The following MYO3B variants were observed in gnomAD, a reference collection of about 807,000 sequenced individuals.
The protein encoded by MYO3B is myosin IIIB.
A neutral mutation model predicts 174.6 loss-of-function variants in MYO3B; 156 were observed. That is an observed-to-expected ratio of 0.89 (90% confidence interval 0.78 to 1.02). The LOEUF is 1.02. Among genes scored for constraint, MYO3B ranks in the 50% least tolerant of loss-of-function variants. MYO3B has a pLI of 0.00. For missense variants in MYO3B, 1,632 were observed against 1,639.4 expected (o/e 1.00, Z 0.08); for synonymous variants, 563 against 569.1 (o/e 0.99, Z 0.15).
At chr2:170,640,826 T>C (rs1364088096) in intron 32 of MYO3B, 9 of 152,220 alleles carry the variant, frequency 5.9e-5, no homozygotes, top group Middle Eastern at 3.4e-3. Context: ...CTTCTATATA[T>C]GGCAAATGAC....
At chr2:170,382,169 C>A in intron 10 of MYO3B, 57 bp downstream of exon 10, 2 of 1,410,276 alleles carry the variant, frequency 1.4e-6, no homozygotes, top group Non-Finnish European at 2.0e-6. Flanking sequence ...TGTGAATGGT[C>A]TGAACTTTCT....
intron 1 of MYO3B, among the ~76,000 whole-genome samples, chr2:170,184,482 C>T (rs2092439334): frequency 6.6e-6 from 1 of 152,108 alleles, no homozygotes; most frequent in Non-Finnish European, 1.5e-5. Context: ...ACATAATTAC[C>T]TCCAGTTTCA....
chr2:170,649,377 A>AT (rs1698814671), intron 32 of MYO3B, among the ~76,000 whole-genome samples: 3 of 104,770 alleles, frequency 2.9e-5, no homozygotes, highest in African/African-American at 7.3e-5. Flanking sequence ...TAAAAATATA[A>AT]ATATATTATA....
At chr2:170,466,456 C>T (rs777103295) in intron 24 of MYO3B, 50 bp from the exon 25 acceptor site, 29 of 1,558,732 alleles carry the variant, frequency 1.9e-5, no homozygotes, top group Non-Finnish European at 2.4e-5. Flanking sequence ...TTGTAACTAT[C>T]CATTGTGTTG....
intron 7 of MYO3B, among the ~76,000 whole-genome samples, chr2:170,323,472 C>T (rs560183396): frequency 6.6e-6 from 1 of 152,250 alleles, no homozygotes; most frequent in South Asian, 2.1e-4. Flanking sequence ...CCTGGATTCC[C>T]CATTAATATG....
intron 1 of MYO3B, among the ~76,000 whole-genome samples, chr2:170,192,269 T>C (rs933966666): frequency 7.3e-5 from 11 of 150,120 alleles, no homozygotes; most frequent in Non-Finnish European, 1.6e-4. Flanking sequence ...CCATTATATG[T>C]CTACTTAAGT....
chr2:170,587,075 G>A (rs1693534917), intron 32 of MYO3B, among the ~76,000 whole-genome samples: 1 of 152,178 alleles, frequency 6.6e-6, no homozygotes, highest in African/African-American at 2.4e-5. Context: ...TTGCTGAAGG[G>A]TCACTTTGTG....
intron 25 of MYO3B, among the ~76,000 whole-genome samples, chr2:170,489,634 G>GGGGTGTGTGTGTGTGTGTGT (rs1553507396): frequency 2.9e-5 from 4 of 139,322 alleles, no homozygotes; most frequent in African/African-American, 8.4e-5. Context: ...AACCAGTAGG[G>GGGGTGTGTGTGTGTGTGTGT]GTGTGTGTGT....
intron 22 of MYO3B, among the ~76,000 whole-genome samples, chr2:170,438,363 C>G (rs1051198957): frequency 6.6e-6 from 1 of 151,926 alleles, no homozygotes; most frequent in African/African-American, 2.4e-5. Flanking sequence ...ACTTCTTGGC[C>G]CTTGTGAATA....
rs1480492778 is a variant in MYO3B, at chr2:170,611,757, C to CT, written c.3734-39866dup. Among the ~76,000 whole-genome samples, 5 of 152,150 alleles carry CT rather than the reference C, an allele frequency of 3.3e-5. 1 individual carries two copies. In the East Asian group the frequency reaches 9.6e-4, roughly 29 times the overall value. The stretch of plus-strand genomic sequence containing the variant: ...CACAATTAATTTCTATACACCATCT[C>CT]TTTTTCATAGGGAACTTGTCAGTTT... On this transcript the variant is annotated intron_variant, in intron 32 of 34. Coordinates refer to ENST00000408978, the MANE Select transcript of MYO3B (RefSeq NM_138995.5).
Position 170,337,591 on chromosome 2 carries a change from G to A in MYO3B, c.815+2141G>A, listed in dbSNP as rs138940366. Among the ~76,000 whole-genome samples, 4 of 152,284 alleles carry A rather than the reference G, an allele frequency of 2.6e-5. No individual in the cohort carries two copies. The East Asian group carries it at 7.7e-4, about 29-fold the overall frequency. ...AGATTGGACTGTACACAACGCAGTT[G>A]ACTCTTAAACAATGCAGCGGTTGGG... On this transcript the variant is annotated intron_variant, in intron 8 of 34. Coordinates refer to ENST00000408978, the MANE Select transcript of MYO3B (RefSeq NM_138995.5).
rs935855716 is a variant in MYO3B at position 170,498,706 on chromosome 2, A to C, written c.3126+3A>C. ...ACTGGGTACTGGGAAAAACAAAGGT[A>C]GTTCGTTCTTTATTGTTCAAATTGT... On this transcript the variant is annotated splice_donor_region_variant and intron_variant, in intron 26 of 34. Transcript: ENST00000408978. The C allele has an allele frequency of 9.0e-6, 14 of 1,562,578 alleles. No individual in the cohort carries two copies. The East Asian group carries it at 3.1e-4, about 35-fold the overall frequency.
At chr2:170,198,751 G>A (rs1384570692) in intron 1 of MYO3B, among the ~76,000 whole-genome samples, 1 of 152,166 alleles carries the variant, frequency 6.6e-6, no homozygotes, top group African/African-American at 2.4e-5. Context: ...TCAAATGCCT[G>A]GTAGTACACT....
intron 2 of MYO3B, 75 bp from the exon 3 acceptor site, chr2:170,200,075 T>G: frequency 4.2e-6 from 6 of 1,426,474 alleles, no homozygotes; most frequent in Non-Finnish European, 5.7e-6. Context: ...ACTAAGTACT[T>G]GAGCATGATG....
chr2:170,616,924 G>T (rs1458438039), intron 32 of MYO3B, among the ~76,000 whole-genome samples: 1 of 152,148 alleles, frequency 6.6e-6, no homozygotes, highest in Non-Finnish European at 1.5e-5. Flanking sequence ...TCATTATATT[G>T]AAATGGAGTT....
intron 25 of MYO3B, among the ~76,000 whole-genome samples, chr2:170,487,068 A>G (rs181417364): frequency 6.6e-6 from 1 of 152,336 alleles, no homozygotes; most frequent in African/African-American, 2.4e-5. Flanking sequence ...AGTGTGGCCC[A>G]GGAATCCACA....
chr2:170,303,121 A>G (rs2093676915), intron 7 of MYO3B, among the ~76,000 whole-genome samples: 1 of 152,296 alleles, frequency 6.6e-6, no homozygotes, highest in African/African-American at 2.4e-5. Context: ...TTATGGCTTT[A>G]TAGTTTACTA....
intron 22 of MYO3B, among the ~76,000 whole-genome samples, chr2:170,430,712 T>A (rs2094702122): frequency 1.3e-5 from 2 of 152,154 alleles, no homozygotes; most frequent in African/African-American, 4.8e-5. Context: ...CCTGAGTGAA[T>A]TAATAAATTT....
At chr2:170,311,646 T>C (rs897770473) in intron 7 of MYO3B, among the ~76,000 whole-genome samples, 1 of 152,066 alleles carries the variant, frequency 6.6e-6, no homozygotes, top group Non-Finnish European at 1.5e-5. Flanking sequence ...TTGTTGCTTG[T>C]GCTTTTGGTG....
Sources: allele counts gnomAD v4.1 joint callset (sites outside exome capture counted in the v4.1 genomes callset), GRCh38; gene constraint gnomAD v4.1.1; transcripts MANE v1.5; gene names NCBI Gene and HGNC (gene_info 2026-07-23, HGNC 2026-07-21).